RASGRF1: variants seen among roughly 807,000 people sequenced by gnomAD.
RASGRF1 encodes the protein Ras protein specific guanine nucleotide releasing factor 1.
RASGRF1 carries 40 observed loss-of-function variants against 138.7 expected under a neutral mutation model. The observed-to-expected ratio is 0.29, with a 90% CI of 0.22 to 0.38. RASGRF1 has a LOEUF of 0.38. RASGRF1 is among the 10% of genes least tolerant of loss of function. The pLI, the probability that RASGRF1 is intolerant of heterozygous loss-of-function variation, is 1.00. For synonymous variants in RASGRF1, 614 were observed against 663.2 expected (o/e 0.93, Z 1.14); for missense variants, 1,108 against 1,650.4 (o/e 0.67, Z 5.69).
Position 79,090,592 on chromosome 15 carries a change from C to G in RASGRF1, c.-94G>C. The G allele has an allele frequency of 5.3e-6, 8 of 1,510,214 alleles. No individual in the cohort carries two copies. In the South Asian group the frequency reaches 7.4e-5, roughly 14 times the overall value. The allele number at this position is 1,510,214 out of a possible 1,614,324, so 93.6% of individuals were successfully genotyped here. A position where few individuals can be genotyped will look rare whatever the true frequency, so the allele number is the denominator to read the frequency against. On this transcript the variant is annotated 5_prime_UTR_variant, in exon 1 of 27. Transcript: ENST00000558480. ...CGCTGCGCGCTGCCTCTCTCTGGCG[C>G]TCGCTCGCTCGCTCCCTCTAGCTCT...
intron 22 of RASGRF1, among the ~76,000 whole-genome samples, chr15:78,987,675 G>A (rs536614409): frequency 6.6e-6 from 1 of 152,018 alleles, no homozygotes; most frequent in African/African-American, 2.4e-5. Context: ...CAGCCTGGGC[G>A]ACAGAGGGAG....
rs1284875444 is a variant in RASGRF1, at chr15:79,001,682, A to T, written c.2555T>A (p.Val852Asp). Reference sequence around the variant, plus strand: ...TGTACCTGAAGAATTTTTGTTTTTGACTGATTTGGGTGTTGTTGGAGATTT... The same window carrying T: ...TGTACCTGAAGAATTTTTGTTTTTGTCTGATTTGGGTGTTGTTGGAGATTT... ...PTKSPTTPKS[V>D]KNKNSSEFPL... Residue 852 changes from valine (V) to aspartate (D), a missense_variant, in exon 16 of 27, where the codon GTC becomes GAC. Val to Asp is a radical substitution (Grantham distance 152, BLOSUM62 -3). This residue lies in a region of RASGRF1 where 686 missense variants were observed against 976.7 expected (regional missense o/e 0.70). Transcript: ENST00000558480. 6.2e-7 allele frequency: 1 copy of T among 1,612,592 alleles called. No individual in the cohort carries two copies. The highest frequency in any genetic ancestry group is 8.5e-7 in the Non-Finnish European group (1 of 1,179,052).
chr15:79,070,801 C>T (rs947402266), intron 1 of RASGRF1, among the ~76,000 whole-genome samples: 1 of 152,166 alleles, frequency 6.6e-6, no homozygotes, highest in East Asian at 1.9e-4. Context: ...TACTTTGAAG[C>T]ACAGGTGATT....
chr15:79,000,754 A>G (rs1317438079), intron 16 of RASGRF1, among the ~76,000 whole-genome samples: 1 of 152,220 alleles, frequency 6.6e-6, no homozygotes, highest in Non-Finnish European at 1.5e-5. Context: ...TTAAGGACTC[A>G]AAGCTTATTT....
At chr15:79,033,581 C>CTTTTTTTTTTT (rs71148586) in intron 6 of RASGRF1, among the ~76,000 whole-genome samples, 10 of 93,972 alleles carry the variant, frequency 1.1e-4, no homozygotes, top group South Asian at 3.8e-4. Context: ...TTTTTCTTTT[C>CTTTTTTTTTTT]TTTTTTTTTT....
intron 1 of RASGRF1, among the ~76,000 whole-genome samples, chr15:79,077,480 T>C (rs569762346): frequency 2.0e-5 from 3 of 152,258 alleles, no homozygotes; most frequent in Admixed American, 2.0e-4. Context: ...AGTGGCACAT[T>C]ACTGGAAAAC....
Position 79,019,810 on chromosome 15 carries a change from A to G in RASGRF1, c.1606+231T>C, listed in dbSNP as rs1358406368. 7.9e-5 allele frequency among the ~76,000 whole-genome samples: 12 copies of G among 152,310 alleles called. No homozygotes were observed. The East Asian group carries it at 1.7e-3, about 22-fold the overall frequency. ...GCCGGGCTGGGAGCTCTTTCTTTAA[A>G]GCCTCAGGCTCTGGCCTCTCCACAC... is the stretch of plus-strand genomic sequence containing the variant. On this transcript the variant is annotated intron_variant, in intron 11 of 26. Transcript: ENST00000558480.
rs985317015 is a variant in RASGRF1 at position 79,040,742 on chromosome 15, T to A, written c.879-5532A>T. ...AAAATTGGGAAGTTTTCCACTTTTA[T>A]CATATGTTCTATAACAGTTTAAATA... On this transcript the variant is annotated intron_variant, in intron 5 of 26. Coordinates refer to ENST00000558480, the MANE Select transcript of RASGRF1 (RefSeq NM_001145648.3). Among the ~76,000 whole-genome samples the A allele has an allele frequency of 2.0e-5, 3 of 152,274 alleles. No homozygotes were observed. The East Asian group carries it at 5.8e-4, about 29-fold the overall frequency.
At chr15:79,074,403 T>C (rs887000664) in intron 1 of RASGRF1, among the ~76,000 whole-genome samples, 5 of 152,302 alleles carry the variant, frequency 3.3e-5, no homozygotes, top group East Asian at 1.9e-4. Context: ...GGAAGTCTTA[T>C]AGTCCAGAGA....
chr15:79,049,388 G>A (rs905180186), intron 4 of RASGRF1, 108 bp downstream of exon 4: 25 of 1,009,564 alleles, frequency 2.5e-5, no homozygotes, highest in Non-Finnish European at 3.3e-5. Flanking sequence ...TGGGGGATGG[G>A]GGGCACGCTC....
chr15:78,971,961 A>T, intron 25 of RASGRF1, 27 bp from the exon 26 acceptor site: 1 of 1,545,122 alleles, frequency 6.5e-7, no homozygotes, highest in Non-Finnish European at 9.0e-7. Context: ...GTGTTTCAGA[A>T]TGCAGTTTGC....
chr15:79,078,197 T>G (rs1448466087), intron 1 of RASGRF1, among the ~76,000 whole-genome samples: 1 of 105,288 alleles, frequency 9.5e-6, no homozygotes, highest in Non-Finnish European at 2.3e-5. Context: ...CCAGGGTCCA[T>G]CTTCTCTCCT....
chr15:79,089,361 G>A (rs1489280096), intron 1 of RASGRF1, among the ~76,000 whole-genome samples: 2 of 152,206 alleles, frequency 1.3e-5, no homozygotes, highest in African/African-American at 4.8e-5. Context: ...CTCTCTGCAG[G>A]TGCCCCTCCT....
chr15:79,061,173 C>T (rs889174980), intron 2 of RASGRF1, among the ~76,000 whole-genome samples: 1 of 152,020 alleles, frequency 6.6e-6, no homozygotes, highest in African/African-American at 2.4e-5. Context: ...CTACAAGGAA[C>T]TAAATCCTGC....
intron 1 of RASGRF1, among the ~76,000 whole-genome samples, chr15:79,072,466 G>A (rs1456801666): frequency 1.3e-5 from 2 of 150,786 alleles, no homozygotes; most frequent in Non-Finnish European, 3.0e-5. Context: ...TAGTAGAAAC[G>A]GGGTTTCACC....
chr15:78,978,921 C>G, intron 24 of RASGRF1: 1 of 1,270,500 alleles, frequency 7.9e-7, no homozygotes, highest in Non-Finnish European at 1.0e-6. Flanking sequence ...GTGGGAGAGA[C>G]ACTTACACGG....
chr15:79,055,532 C>T (rs139344318), intron 3 of RASGRF1, among the ~76,000 whole-genome samples: 13 of 152,050 alleles, frequency 8.5e-5, no homozygotes, highest in Admixed American at 4.6e-4. Context: ...AGCATTGCTC[C>T]GAAAATTCCC....
intron 23 of RASGRF1, among the ~76,000 whole-genome samples, chr15:78,982,758 G>A (rs1315234241): frequency 1.3e-5 from 2 of 152,116 alleles, no homozygotes; most frequent in South Asian, 2.1e-4. Flanking sequence ...GGCCAAAATC[G>A]ATTGTTAGCC....
chr15:79,059,542 C>A (rs1365287802), intron 2 of RASGRF1, among the ~76,000 whole-genome samples: 1 of 152,158 alleles, frequency 6.6e-6, no homozygotes, highest in Non-Finnish European at 1.5e-5. Context: ...CCAATTATCT[C>A]ATTTCACAAA....
Sources: gnomAD v4.1 joint callset for allele counts (sites outside exome capture counted in the v4.1 genomes callset) on GRCh38, gnomAD v4.1.1 for gene constraint, gnomAD v4.1.1 regional missense constraint, MANE v1.5 for transcripts, NCBI Gene and HGNC (gene_info 2026-07-23, HGNC 2026-07-21) for gene names.